The following SCHIP1 variants were observed in gnomAD, a reference collection of about 807,000 sequenced individuals.
SCHIP1 encodes the protein schwannomin-interacting protein 1.
In SCHIP1, 8 loss-of-function variants were observed where a neutral mutation model predicts 29.7. The observed-to-expected ratio is 0.27, with a 90% confidence interval of 0.16 to 0.49. SCHIP1 has a LOEUF of 0.49. Among genes scored for constraint, SCHIP1 ranks in the 20% least tolerant of loss-of-function variants. The pLI is 0.99. For synonymous variants in SCHIP1, 76 were observed against 94.9 expected (o/e 0.80, Z 1.16); for missense variants, 193 against 294.6 (o/e 0.66, Z 2.52).
At chr3:159,791,329 G>A in the SCHIP1 span, among the ~76,000 whole-genome samples, 8 of 152,342 alleles carry the variant, frequency 5.3e-5, 2 homozygotes, top group South Asian at 2.1e-4. Context: ...AGAGCAAAAT[G>A]TGGAAACCAA....
chr3:159,747,923 T>C, the SCHIP1 span, among the ~76,000 whole-genome samples: 1 of 152,230 alleles, frequency 6.6e-6, no homozygotes, highest in Admixed American at 6.5e-5. Context: ...ATTTGTCTCA[T>C]TAAAGTGGAT....
At chr3:159,571,036 T>C in the SCHIP1 span, among the ~76,000 whole-genome samples, 1 of 152,192 alleles carries the variant, frequency 6.6e-6, no homozygotes, top group Non-Finnish European at 1.5e-5. Flanking sequence ...TAAGGAGATT[T>C]TGGGCTGAGA....
the SCHIP1 span, among the ~76,000 whole-genome samples, chr3:159,613,984 G>A: frequency 6.6e-6 from 1 of 152,092 alleles, no homozygotes; most frequent in Non-Finnish European, 1.5e-5. Flanking sequence ...TGACACACTC[G>A]CTGTTCTAAG....
At chr3:159,711,632 G>A in the SCHIP1 span, among the ~76,000 whole-genome samples, 1 of 152,166 alleles carries the variant, frequency 6.6e-6, no homozygotes, top group Admixed American at 6.5e-5. Flanking sequence ...CTCATAACCA[G>A]CCTATTGTTA....
chr3:159,368,797 A>G, the SCHIP1 span, among the ~76,000 whole-genome samples: 1 of 152,182 alleles, frequency 6.6e-6, no homozygotes. Flanking sequence ...GAGGCTTGTG[A>G]GAGATGAGTT....
the SCHIP1 span, among the ~76,000 whole-genome samples, chr3:159,310,109 G>C: frequency 6.6e-6 from 1 of 152,134 alleles, no homozygotes; most frequent in Non-Finnish European, 1.5e-5. Context: ...CTGCCAAGAG[G>C]CATGCGTCCT....
the SCHIP1 span, among the ~76,000 whole-genome samples, chr3:159,491,726 C>T: frequency 6.6e-6 from 1 of 152,226 alleles, no homozygotes; most frequent in Non-Finnish European, 1.5e-5. Context: ...ACTTAAATGT[C>T]CCTGTCTGAC....
the SCHIP1 span, among the ~76,000 whole-genome samples, chr3:159,782,741 T>C: frequency 6.6e-6 from 1 of 152,258 alleles, no homozygotes; most frequent in Non-Finnish European, 1.5e-5. Flanking sequence ...TAAAGGATGA[T>C]TCAATGTGCG....
chr3:159,798,080 G>C, the SCHIP1 span, among the ~76,000 whole-genome samples: 2 of 152,310 alleles, frequency 1.3e-5, no homozygotes, highest in East Asian at 3.8e-4. Context: ...TGGAACTTCA[G>C]CATGAATAAC....
chr3:159,469,785 A>G, the SCHIP1 span, among the ~76,000 whole-genome samples: 1 of 152,230 alleles, frequency 6.6e-6, no homozygotes, highest in Non-Finnish European at 1.5e-5. Flanking sequence ...AAACAGTTCC[A>G]GAACAAATCA....
the SCHIP1 span, among the ~76,000 whole-genome samples, chr3:159,825,982 A>G: frequency 6.6e-6 from 1 of 152,134 alleles, no homozygotes; most frequent in South Asian, 2.1e-4. Flanking sequence ...GTGTGCCTAG[A>G]GCTGTGTGAG....
At chr3:159,465,812 C>A in the SCHIP1 span, among the ~76,000 whole-genome samples, 1 of 152,088 alleles carries the variant, frequency 6.6e-6, no homozygotes, top group Non-Finnish European at 1.5e-5. Flanking sequence ...AATGTTGGCT[C>A]AGCCTGAGTC....
At chr3:159,427,888 C>G in the SCHIP1 span, among the ~76,000 whole-genome samples, 22 of 148,078 alleles carry the variant, frequency 1.5e-4, no homozygotes, top group Non-Finnish European at 1.5e-5. Context: ...AGAAATAACG[C>G]CGCATATCTA....
the SCHIP1 span, among the ~76,000 whole-genome samples, chr3:159,550,823 C>G: frequency 6.6e-6 from 1 of 152,064 alleles, no homozygotes; most frequent in Non-Finnish European, 1.5e-5. Context: ...AAATGGCACC[C>G]TAGACCAGAC....
At chr3:159,388,595 G>A in the SCHIP1 span, among the ~76,000 whole-genome samples, 1 of 152,216 alleles carries the variant, frequency 6.6e-6, no homozygotes, top group African/African-American at 2.4e-5. Context: ...AAGATAAAAT[G>A]TGAAGACAGA....
At chr3:159,514,281 ATTC>A in the SCHIP1 span, among the ~76,000 whole-genome samples, 3 of 152,220 alleles carry the variant, frequency 2.0e-5, no homozygotes, top group African/African-American at 4.8e-5. Flanking sequence ...ATACACTAAA[ATTC>A]TTCTTTGCTG....
At chr3:159,765,228 G>A in the SCHIP1 span, 4 of 1,376,842 alleles carry the variant, frequency 2.9e-6, no homozygotes, top group East Asian at 2.9e-5. Flanking sequence ...GCTCCCGCCC[G>A]CCCGCGGCCC....
At chr3:159,453,675 C>T in the SCHIP1 span, among the ~76,000 whole-genome samples, 1 of 152,000 alleles carries the variant, frequency 6.6e-6, no homozygotes, top group African/African-American at 2.4e-5. Flanking sequence ...TATAAAGCAC[C>T]CCATAAATAT....
At chr3:159,774,024 A>G in the SCHIP1 span, among the ~76,000 whole-genome samples, 1 of 152,212 alleles carries the variant, frequency 6.6e-6, no homozygotes, top group African/African-American at 2.4e-5. Flanking sequence ...TTGTACTTAG[A>G]ATTTAAAAGG....
Sources: allele counts gnomAD v4.1 joint callset (sites outside exome capture counted in the v4.1 genomes callset), GRCh38; gene constraint gnomAD v4.1.1; transcripts MANE v1.5; gene names NCBI Gene and HGNC (gene_info 2026-07-23, HGNC 2026-07-21).